Variants in DCLK1 observed in about 807,000 individuals in gnomAD.
The protein encoded by DCLK1 is doublecortin like kinase 1, also known as serine/threonine-protein kinase DCLK1.
A neutral mutation model predicts 86.2 loss-of-function variants in DCLK1; 16 were observed. The observed-to-expected ratio is 0.19, with a 90% CI of 0.13 to 0.28. The LOEUF (loss-of-function observed/expected upper bound fraction) is 0.28, where lower values mean the gene tolerates loss of function less well. Among genes scored for constraint, DCLK1 ranks in the 10% least tolerant of loss-of-function variants. The pLI is 1.00. For synonymous variants in DCLK1, 369 were observed against 370.5 expected (o/e 1.00, Z 0.05); for missense variants, 590 against 940.2 (o/e 0.63, Z 4.87).
chr13:36,007,836 C>G (rs529695210), intron 3 of DCLK1, among the ~76,000 whole-genome samples: 1 of 151,998 alleles, frequency 6.6e-6, no homozygotes. Flanking sequence ...TTTTGGCATA[C>G]AATAAAACTT....
At chr13:35,967,493 C>G (rs2153138646) in intron 3 of DCLK1, among the ~76,000 whole-genome samples, 1 of 152,292 alleles carries the variant, frequency 6.6e-6, no homozygotes, top group South Asian at 2.1e-4. Flanking sequence ...AAAAATTCTT[C>G]TGCCTTGGGA....
At chr13:35,791,814 C>A (rs1011068984) in intron 16 of DCLK1, among the ~76,000 whole-genome samples, 2 of 152,176 alleles carry the variant, frequency 1.3e-5, no homozygotes, top group African/African-American at 2.4e-5. Context: ...GCTGTAAGCC[C>A]TTAGCAGGAG....
At chr13:35,886,007 CTTTTTTTT>C (rs10589320) in intron 4 of DCLK1, among the ~76,000 whole-genome samples, 1 of 130,716 alleles carries the variant, frequency 7.7e-6, no homozygotes. Context: ...GAATAGGTTC[CTTTTTTTT>C]TTTTTTTTTT....
chr13:36,069,328 CT>C lies in DCLK1; in HGVS notation c.723+42540del, dbSNP rs1243665220. ...GATATTAAATTAAGTTTAAATTAAGCTAAGTAACTATGCCAACATGCAACAG... is the reference window on the plus strand; with the variant it reads ...GATATTAAATTAAGTTTAAATTAAGCAAGTAACTATGCCAACATGCAACAG... On this transcript the variant is annotated intron_variant, in intron 3 of 16. Transcript: ENST00000360631. Among the ~76,000 whole-genome samples, 3 of 152,256 alleles carry C rather than the reference CT, an allele frequency of 2.0e-5. No homozygotes were observed. The East Asian group carries it at 5.8e-4, about 29-fold the overall frequency.
chr13:36,025,031 G>A (rs9531367), intron 3 of DCLK1, among the ~76,000 whole-genome samples: 7,092 of 150,284 alleles, frequency 0.047, 169 homozygotes, highest in Middle Eastern at 0.094. Context: ...GCAATGGCAC[G>A]ATCTCGGCTC....
intron 2 of DCLK1, among the ~76,000 whole-genome samples, chr13:36,116,837 C>A (rs1297530786): frequency 6.6e-6 from 1 of 152,192 alleles, no homozygotes; most frequent in Admixed American, 6.5e-5. Flanking sequence ...TGCAACTGAA[C>A]TGAATTAAAT....
intron 3 of DCLK1, among the ~76,000 whole-genome samples, chr13:35,985,131 C>T (rs1174709902): frequency 6.6e-6 from 1 of 152,186 alleles, no homozygotes; most frequent in East Asian, 1.9e-4. Context: ...TTAGGGAAAT[C>T]TGGAAATCTT....
At chr13:35,777,130 A>G (rs1481557699) in intron 16 of DCLK1, among the ~76,000 whole-genome samples, 1 of 152,202 alleles carries the variant, frequency 6.6e-6, no homozygotes, top group Non-Finnish European at 1.5e-5. Context: ...TCACCTTTGT[A>G]GATAAGACCT....
At chr13:35,832,833 G>C (rs1318124438) in intron 8 of DCLK1, among the ~76,000 whole-genome samples, 1 of 152,188 alleles carries the variant, frequency 6.6e-6, no homozygotes, top group Non-Finnish European at 1.5e-5. Flanking sequence ...ATGGCTCTCA[G>C]GAGCCAGAGG....
chr13:35,864,893 C>T (rs903455633), intron 5 of DCLK1, among the ~76,000 whole-genome samples: 7 of 152,038 alleles, frequency 4.6e-5, no homozygotes, highest in African/African-American at 1.2e-4. Flanking sequence ...CTCAACCAGT[C>T]CTCCTGCCTA....
intron 3 of DCLK1, among the ~76,000 whole-genome samples, chr13:35,991,969 C>G (rs1178385772): frequency 6.6e-6 from 1 of 152,052 alleles, no homozygotes; most frequent in Non-Finnish European, 1.5e-5. Flanking sequence ...CCTAAAATGT[C>G]AAATAAAAGC....
chr13:36,121,491 G>C (rs1228359316), intron 2 of DCLK1, among the ~76,000 whole-genome samples: 1 of 152,100 alleles, frequency 6.6e-6, no homozygotes, highest in African/African-American at 2.4e-5. Flanking sequence ...CAGTACAAAA[G>C]GATGTTTTGA....
intron 5 of DCLK1, among the ~76,000 whole-genome samples, chr13:35,860,413 T>C (rs1871314119): frequency 6.6e-6 from 1 of 152,072 alleles, no homozygotes; most frequent in Admixed American, 6.6e-5. Flanking sequence ...TTTTAGCTTC[T>C]TGGGTGCTCA....
chr13:36,100,389 AC>A (rs1402911983), intron 3 of DCLK1, among the ~76,000 whole-genome samples: 2 of 151,912 alleles, frequency 1.3e-5, no homozygotes, highest in Non-Finnish European at 2.9e-5. Context: ...AAACAAACAA[AC>A]AAAAATGATG....
At chr13:35,939,590 T>TG (rs1265345309) in intron 4 of DCLK1, among the ~76,000 whole-genome samples, 6 of 152,098 alleles carry the variant, frequency 3.9e-5, no homozygotes, top group African/African-American at 9.6e-5. Context: ...AGAGATGGGG[T>TG]TTCACCATGT....
At chr13:35,933,077 A>T (rs1210501021) in intron 4 of DCLK1, among the ~76,000 whole-genome samples, 2 of 152,238 alleles carry the variant, frequency 1.3e-5, no homozygotes, top group Non-Finnish European at 2.9e-5. Context: ...GAGGGGCAAG[A>T]GGGCCTATGC....
chr13:35,865,986 C>T (rs1695605546), intron 5 of DCLK1, among the ~76,000 whole-genome samples: 2 of 152,086 alleles, frequency 1.3e-5, no homozygotes, highest in Admixed American at 6.6e-5. Flanking sequence ...TTAATTGTTT[C>T]CTGGAGATCA....
intron 2 of DCLK1, among the ~76,000 whole-genome samples, chr13:36,121,482 A>G (rs184714930): frequency 6.6e-6 from 1 of 152,228 alleles, no homozygotes; most frequent in Non-Finnish European, 1.5e-5. Context: ...GGGCAAGTAC[A>G]GTACAAAAGG....
At chr13:35,802,848 A>G (rs749053973) in intron 15 of DCLK1, among the ~76,000 whole-genome samples, 39 of 152,194 alleles carry the variant, frequency 2.6e-4, no homozygotes, top group Non-Finnish European at 5.1e-4. Context: ...TTTGTCATAC[A>G]GCATTAACAT....
Sources: gnomAD v4.1 joint callset for allele counts (sites outside exome capture counted in the v4.1 genomes callset) on GRCh38, gnomAD v4.1.1 for gene constraint, MANE v1.5 for transcripts, NCBI Gene and HGNC (gene_info 2026-07-23, HGNC 2026-07-21) for gene names.